The following SKAP1 variants were observed in gnomAD, a reference collection of about 807,000 sequenced individuals.
SKAP1 encodes the protein src kinase-associated phosphoprotein 1.
Under a neutral mutation model 58.5 loss-of-function variants are expected in SKAP1, and 44 were observed. The observed-to-expected ratio is 0.75, with a 90% CI of 0.59 to 0.97. The LOEUF (loss-of-function observed/expected upper bound fraction) is 0.97. Ranked by LOEUF, SKAP1 falls within the 50% of genes least tolerant of loss-of-function variation. The pLI, the probability that SKAP1 is intolerant of heterozygous loss-of-function variation, is 0.00. For synonymous variants in SKAP1, 127 were observed against 149.7 expected, an observed-to-expected ratio of 0.85 and a Z score of 1.11; for missense variants, 390 against 435.2, an observed-to-expected ratio of 0.90 and a Z score of 0.92.
upstream of SKAP1, among the ~76,000 whole-genome samples, chr17:48,431,112 G>A (rs1026542750): frequency 6.6e-6 from 1 of 152,130 alleles, no homozygotes; most frequent in Admixed American, 6.5e-5. Context: ...AAAGTATAAA[G>A]TGCTATGGTT....
chr17:48,411,093 A>C (rs980920737), intron 1 of SKAP1, among the ~76,000 whole-genome samples: 19 of 152,084 alleles, frequency 1.2e-4, no homozygotes, highest in African/African-American at 3.9e-4. Context: ...TATATCAATA[A>C]ATGGTTGAAT....
chr17:48,359,600 T>G (rs1467172737), intron 3 of SKAP1, among the ~76,000 whole-genome samples: 1 of 152,120 alleles, frequency 6.6e-6, no homozygotes, highest in East Asian at 1.9e-4. Flanking sequence ...TATTTTTATT[T>G]GTTTATTTCT....
intron 4 of SKAP1, among the ~76,000 whole-genome samples, chr17:48,340,700 A>G (rs908446333): frequency 6.6e-5 from 10 of 152,178 alleles, no homozygotes; most frequent in Admixed American, 3.3e-4. Context: ...CTAAAATAAA[A>G]ACTAGAACGT....
rs553233919 is a variant in SKAP1, at chr17:48,173,286, T to C, written c.827-2627A>G. 2.6e-5 allele frequency among the ~76,000 whole-genome samples: 4 copies of C among 152,298 alleles called. No homozygotes were observed. The South Asian group carries it at 8.3e-4, about 32-fold the overall frequency. On this transcript the variant is annotated intron_variant, in intron 9 of 12. Coordinates refer to ENST00000336915, the MANE Select transcript of SKAP1 (RefSeq NM_003726.4). ...GAGCACTTTGACTCAACAGTTCTTATAGCCATGTATGATCTAGCAGCAGAG... is the reference window on the plus strand; with the variant it reads ...GAGCACTTTGACTCAACAGTTCTTACAGCCATGTATGATCTAGCAGCAGAG...
intron 4 of SKAP1, among the ~76,000 whole-genome samples, chr17:48,324,989 C>T (rs568174756): frequency 6.6e-6 from 1 of 152,176 alleles, no homozygotes; most frequent in Admixed American, 6.5e-5. Flanking sequence ...TGGCTCATGC[C>T]TGTAATCCCA....
intron 4 of SKAP1, among the ~76,000 whole-genome samples, chr17:48,343,352 G>A (rs947524798): frequency 5.3e-5 from 8 of 152,134 alleles, no homozygotes; most frequent in African/African-American, 1.7e-4. Context: ...CACAGGAAAT[G>A]TATGTATCTT....
the SKAP1 span, among the ~76,000 whole-genome samples, chr17:48,437,741 C>CAAA: frequency 4.5e-3 from 291 of 64,532 alleles, 14 homozygotes; most frequent in East Asian, 9.2e-3. Context: ...GACTCTGTCT[C>CAAA]AAAAAAAAAA....
At chr17:48,260,643 A>G (rs1381058874) in intron 4 of SKAP1, among the ~76,000 whole-genome samples, 8 of 152,184 alleles carry the variant, frequency 5.3e-5, no homozygotes, top group Admixed American at 3.3e-4. Context: ...GTGTGTGTGT[A>G]TCAATATACA....
At chr17:48,272,794 C>T (rs184375214) in intron 4 of SKAP1, among the ~76,000 whole-genome samples, 4 of 151,394 alleles carry the variant, frequency 2.6e-5, no homozygotes, top group African/African-American at 7.3e-5. Flanking sequence ...TGAGCTCAAG[C>T]GATCCACCCA....
At chr17:48,424,221 CTTT>C (rs71366876) in intron 1 of SKAP1, among the ~76,000 whole-genome samples, 3 of 106,670 alleles carry the variant, frequency 2.8e-5, no homozygotes, top group Non-Finnish European at 1.8e-5. Flanking sequence ...TCTGGGACCT[CTTT>C]TTTTTTTTTT....
At position 48,267,834 on chromosome 17, in the gene SKAP1, C is replaced by A. The variant is rs113767516; in HGVS notation, c.280+78071G>T. On this transcript the variant is annotated intron_variant, in intron 4 of 12. Transcript: ENST00000336915. ...AGGGGAGGACCTGACAAAATAGATA[C>A]CAACAGATAAATGGAGGGAAGGGAG... Among the ~76,000 whole-genome samples, 624 of 152,154 alleles carry A rather than the reference C, an allele frequency of 4.1e-3. 8 individuals are homozygous for A. Among genetic ancestry groups the A allele is most frequent in the African/African-American group, 0.014 (597 of 41,510 alleles).
chr17:48,298,739 A>G (rs1267575572), intron 4 of SKAP1, among the ~76,000 whole-genome samples: 1 of 152,178 alleles, frequency 6.6e-6, no homozygotes, highest in Non-Finnish European at 1.5e-5. Context: ...CTATGGGATG[A>G]GATATTTTTT....
At chr17:48,145,533 G>A (rs1396368638) in intron 11 of SKAP1, among the ~76,000 whole-genome samples, 3 of 152,060 alleles carry the variant, frequency 2.0e-5, no homozygotes, top group African/African-American at 7.2e-5. Flanking sequence ...GCCTCCAGTG[G>A]TTTCCTATTG....
Position 48,211,828 on chromosome 17 carries a change from C to T in SKAP1, c.281-22328G>A, listed in dbSNP as rs1337197952. Among the ~76,000 whole-genome samples, 5 of 151,976 alleles carry T rather than the reference C, an allele frequency of 3.3e-5. No individual in the cohort carries two copies. The East Asian group carries it at 5.8e-4, about 18-fold the overall frequency. ...ATCTTTATAAAGTATGTCATTTGTT[C>T]GTCATGGTCCAAACTGGCTCCAGTT... On this transcript the variant is annotated intron_variant, in intron 4 of 12. Coordinates refer to ENST00000336915, the MANE Select transcript of SKAP1 (RefSeq NM_003726.4).
intron 4 of SKAP1, among the ~76,000 whole-genome samples, chr17:48,313,366 G>T (rs1229191986): frequency 6.6e-6 from 1 of 152,094 alleles, no homozygotes; most frequent in Non-Finnish European, 1.5e-5. Context: ...GGCTAAATGT[G>T]TGAACAGAAG....
At chr17:48,389,407 A>G (rs1288597272) in intron 2 of SKAP1, among the ~76,000 whole-genome samples, 3 of 152,264 alleles carry the variant, frequency 2.0e-5, no homozygotes, top group Non-Finnish European at 2.9e-5. Context: ...TGAAAGAAAT[A>G]TGAAGAAACT....
intron 3 of SKAP1, among the ~76,000 whole-genome samples, chr17:48,352,511 G>A (rs377064733): frequency 3.9e-4 from 59 of 152,236 alleles, no homozygotes; most frequent in African/African-American, 1.4e-3. Context: ...TTGGCTCATA[G>A]TTCTGTTTTC....
intron 1 of SKAP1, among the ~76,000 whole-genome samples, chr17:48,422,937 CAG>C (rs2067813220): frequency 6.6e-6 from 1 of 151,942 alleles, no homozygotes; most frequent in Non-Finnish European, 1.5e-5. Context: ...AAAGATGAAA[CAG>C]AGAGAGCATA....
At chr17:48,395,028 C>G (rs1399920339) in intron 2 of SKAP1, among the ~76,000 whole-genome samples, 1 of 152,142 alleles carries the variant, frequency 6.6e-6, no homozygotes, top group African/African-American at 2.4e-5. Context: ...TCCTAAAGTT[C>G]CCGCTGATGA....
Sources: gnomAD v4.1 joint callset for allele counts (sites outside exome capture counted in the v4.1 genomes callset) on GRCh38, gnomAD v4.1.1 for gene constraint, MANE v1.5 for transcripts, NCBI Gene and HGNC (gene_info 2026-07-23, HGNC 2026-07-21) for gene names.